UNC80: variants seen among roughly 807,000 people sequenced by gnomAD.
UNC80 encodes the protein protein unc-80 homolog.
UNC80 carries 164 observed loss-of-function variants against 384.6 expected under a neutral mutation model. The observed-to-expected ratio is 0.43, with a 90% CI of 0.38 to 0.49. The LOEUF is 0.49. UNC80 is among the 20% of genes least tolerant of loss of function. The pLI, the probability that UNC80 is intolerant of heterozygous loss-of-function variation, is 0.00. For missense variants in UNC80, 3,330 were observed against 4,143.0 expected, an observed-to-expected ratio of 0.80 and a Z score of 5.39; for synonymous variants, 1,486 against 1,527.8, an observed-to-expected ratio of 0.97 and a Z score of 0.64.
intron 22 of UNC80, among the ~76,000 whole-genome samples, chr2:209,862,595 T>G (rs1199824524): frequency 3.3e-5 from 5 of 151,978 alleles, no homozygotes; most frequent in Non-Finnish European, 7.4e-5. Flanking sequence ...TTGTCTTTTT[T>G]GATCTTTGTT....
intron 21 of UNC80, among the ~76,000 whole-genome samples, chr2:209,845,649 A>T (rs1355615373): frequency 6.6e-6 from 1 of 152,204 alleles, no homozygotes; most frequent in Non-Finnish European, 1.5e-5. Context: ...ACAAAGCCAT[A>T]ATATTTGAGA....
At chr2:209,780,124 G>A in intron 4 of UNC80, among the ~76,000 whole-genome samples, 1 of 152,274 alleles carries the variant, frequency 6.6e-6, no homozygotes, top group East Asian at 1.9e-4. Context: ...ATTGCTGCTG[G>A]TATTATGTAT....
At chr2:209,987,658 G>T (rs1434781049) in intron 61 of UNC80, among the ~76,000 whole-genome samples, 1 of 152,082 alleles carries the variant, frequency 6.6e-6, no homozygotes, top group Non-Finnish European at 1.5e-5. Context: ...GGCAGAAATT[G>T]ACAGTCAACT....
intron 7 of UNC80, among the ~76,000 whole-genome samples, chr2:209,811,937 CCA>C (rs2079380794): frequency 6.6e-6 from 1 of 152,146 alleles, no homozygotes; most frequent in South Asian, 2.1e-4. Flanking sequence ...TTACTGAAAC[CCA>C]CAGTCAGAAA....
At chr2:209,972,165 G>A (rs2092904178) in intron 54 of UNC80, 36 bp from the exon 55 acceptor site, 2 of 1,544,248 alleles carry the variant, frequency 1.3e-6, no homozygotes, top group East Asian at 2.5e-5. Flanking sequence ...TGGGTGTGGT[G>A]GTCAATTAAT....
chr2:209,945,803 C>A (rs941092900), intron 46 of UNC80, 44 bp from the exon 47 acceptor site: 11 of 1,386,566 alleles, frequency 7.9e-6, no homozygotes, highest in Non-Finnish European at 1.1e-5. Context: ...TTATCTCCTG[C>A]AAAATCCACT....
At position 209,913,837 on chromosome 2, in the gene UNC80, A is replaced by G. The variant is rs1160631042; in HGVS notation, c.4926A>G (p.Leu1642=). The change falls in exon 31 of 65, where the codon TTA becomes TTG. Residue 1642 remains leucine, a synonymous_variant. Transcript: ENST00000673920. The stretch of plus-strand genomic sequence containing the variant: ...TGTCGCCTGCTCCCTTATCTCTGTT[A>G]ATCAAGGCAGCACCAATTCTGACAG... ...MSLSPAPLSL[L]IKAAPILTEE... is the part of the protein sequence containing the mutation. 6.4e-7 allele frequency: 1 copy of G among 1,551,150 alleles called. No homozygotes were observed. The highest frequency in any genetic ancestry group is 2.0e-5 in the Admixed American group (1 of 50,992).
intron 40 of UNC80, among the ~76,000 whole-genome samples, chr2:209,936,457 C>T (rs17749423): frequency 0.091 from 13,802 of 152,220 alleles, 818 homozygotes; most frequent in South Asian, 0.21. Context: ...CTTCCTGATG[C>T]TGAGACCAGT....
chr2:209,924,451 G>C (rs2090274536), intron 35 of UNC80, among the ~76,000 whole-genome samples: 1 of 152,070 alleles, frequency 6.6e-6, no homozygotes, highest in South Asian at 2.1e-4. Flanking sequence ...CCTTTACTGA[G>C]GACCACTTTG....
At chr2:209,835,586 G>C (rs942284209) in intron 18 of UNC80, among the ~76,000 whole-genome samples, 1 of 152,030 alleles carries the variant, frequency 6.6e-6, no homozygotes, top group Admixed American at 6.6e-5. Flanking sequence ...AAAATATAAG[G>C]GTTATCATAG....
At position 209,896,285 on chromosome 2, in the gene UNC80, A is replaced by G. The variant is rs993072202; in HGVS notation, c.4481-28A>G. The G allele has an allele frequency of 2.6e-6, 4 of 1,543,644 alleles. No individual in the cohort carries two copies. The African/African-American group carries it at 5.5e-5, about 21-fold the overall frequency. ...GCTCTCCAGGGAGACCGAACACTGA[A>G]ACCTTTCTTGGTATTTTTCTTTTGA... On this transcript the variant is annotated intron_variant, in intron 27 of 64. Transcript: ENST00000673920.
rs1341270339 is a variant in UNC80, at chr2:209,940,659, C to CA, written c.6647-554dup. Among the ~76,000 whole-genome samples, 9 of 151,540 alleles carry CA rather than the reference C, an allele frequency of 5.9e-5. No individual in the cohort carries two copies. The East Asian group carries it at 9.7e-4, about 16-fold the overall frequency. On this transcript the variant is annotated intron_variant, in intron 43 of 64. Transcript: ENST00000673920. ...CGAAACCCTGTCTCTACTAAAAATACAAAAAAAATTAGCTGGGCATGGTGG... is the reference window on the plus strand; with the variant it reads ...CGAAACCCTGTCTCTACTAAAAATACAAAAAAAAATTAGCTGGGCATGGTGG...
At chr2:209,873,971 G>A (rs900833227) in intron 23 of UNC80, among the ~76,000 whole-genome samples, 5 of 123,646 alleles carry the variant, frequency 4.0e-5, no homozygotes, top group African/African-American at 6.3e-5. Flanking sequence ...AAAGATACAC[G>A]TATGTATGTG....
chr2:209,939,420 T>C, intron 42 of UNC80, 52 bp from the exon 43 acceptor site: 1 of 1,476,988 alleles, frequency 6.8e-7, no homozygotes, highest in South Asian at 1.4e-5. Context: ...AGTCTATAAA[T>C]CTGGAGTTTC....
At chr2:209,796,079 C>G (rs563753857) in intron 7 of UNC80, 6 of 152,354 alleles carry the variant, frequency 3.9e-5, no homozygotes, top group African/African-American at 1.4e-4. Context: ...GAGAGGGAGG[C>G]TGTACCCTCC....
In UNC80 at chr2:209,794,843, G is replaced by A. The variant is rs1348036301; in HGVS notation, c.938+984G>A. On this transcript the variant is annotated intron_variant, in intron 7 of 64. Transcript: ENST00000673920. ...GATTCTGAGGCCTTCTCAGCCATGT[G>A]GAACTGTAACTCCAATTAAACTTAC... 1.1e-5 allele frequency: 5 copies of A among 450,844 alleles called. No homozygotes were observed. The Admixed American group carries it at 1.2e-4, about 11-fold the overall frequency. 27.9% of individuals were successfully genotyped at this position (450,844 alleles called of 1,614,324 possible). A position where few individuals can be genotyped will look rare whatever the true frequency, so the allele number is the denominator to read the frequency against.
In UNC80 at chr2:209,945,036, G is replaced by A. The variant is rs1313429310; in HGVS notation, c.7051-15G>A. 15 of 1,547,786 alleles carry A rather than the reference G, an allele frequency of 9.7e-6. No homozygotes were observed. In the South Asian group the frequency reaches 1.7e-4, roughly 17 times the overall value. On this transcript the variant is annotated splice_polypyrimidine_tract_variant and intron_variant, in intron 45 of 64. Transcript: ENST00000673920. ...TGGTGGGAGTCAATAAACAAAAATT[G>A]TTTTTCTTTATCAGGATGCTGCCAA...
At chr2:209,838,709 C>A (rs1431958819) in intron 18 of UNC80, among the ~76,000 whole-genome samples, 1 of 152,100 alleles carries the variant, frequency 6.6e-6, no homozygotes, top group Non-Finnish European at 1.5e-5. Flanking sequence ...TGCCTGTAAT[C>A]CCAGCACTTT....
At chr2:209,918,413 T>G in intron 32 of UNC80, 119 bp from the exon 33 acceptor site, 2 of 1,196,906 alleles carry the variant, frequency 1.7e-6, no homozygotes, top group Non-Finnish European at 2.3e-6. Flanking sequence ...TCTTGTTCAT[T>G]CTGTGTGAAG....
Sources: gnomAD v4.1 joint callset for allele counts (sites outside exome capture counted in the v4.1 genomes callset) on GRCh38, gnomAD v4.1.1 for gene constraint, MANE v1.5 for transcripts, NCBI Gene and HGNC (gene_info 2026-07-23, HGNC 2026-07-21) for gene names.